KCNH7: variants seen among roughly 807,000 people sequenced by gnomAD.
KCNH7 encodes the protein potassium voltage-gated channel subfamily H member 7.
Under a neutral mutation model 120.8 loss-of-function variants are expected in KCNH7, and 49 were observed. The ratio of observed to expected loss-of-function variants is 0.41; its 90% CI spans 0.32 to 0.51. KCNH7 has a LOEUF of 0.51. Ranked by LOEUF, KCNH7 falls within the 20% of genes least tolerant of loss-of-function variation. The pLI is 0.38. For missense variants in KCNH7, 1,097 were observed against 1,446.6 expected (o/e 0.76, Z 3.92); for synonymous variants, 547 against 516.1 (o/e 1.06, Z -0.81).
chr2:162,701,998 C>G (rs574548177), intron 2 of KCNH7, among the ~76,000 whole-genome samples: 2 of 139,114 alleles, frequency 1.4e-5, no homozygotes, highest in Non-Finnish European at 3.0e-5. Context: ...CAGAGTGAGA[C>G]GCCATCTCAA....
chr2:162,824,311 C>G (rs576110428), intron 2 of KCNH7, among the ~76,000 whole-genome samples: 125 of 152,198 alleles, frequency 8.2e-4, no homozygotes, highest in African/African-American at 3.0e-3. Flanking sequence ...GGAAACATGA[C>G]CTGCAAAGAA....
intron 14 of KCNH7, among the ~76,000 whole-genome samples, chr2:162,373,986 CTT>C (rs1375833424): frequency 3.3e-5 from 5 of 152,022 alleles, no homozygotes; most frequent in African/African-American, 1.2e-4. Flanking sequence ...CAGTAATTGT[CTT>C]TGCTTTTTAA....
rs531155217 is a variant in KCNH7 at position 162,561,193 on chromosome 2, T to G, written c.308-24113A>C. ...CAAGATCATAATTATGTATCTAATT[T>G]ATATTGAACATTCATGATGCATATG... On this transcript the variant is annotated intron_variant, in intron 2 of 15. Transcript: ENST00000332142. Among the ~76,000 whole-genome samples, 52 of 152,312 alleles carry G rather than the reference T, an allele frequency of 3.4e-4. No homozygotes were observed. In the South Asian group the frequency reaches 4.8e-3, roughly 14 times the overall value.
intron 2 of KCNH7, among the ~76,000 whole-genome samples, chr2:162,834,960 A>G (rs1685605756): frequency 2.0e-5 from 3 of 152,144 alleles, no homozygotes; most frequent in Non-Finnish European, 4.4e-5. Flanking sequence ...CTGTGTTGGC[A>G]TCATAATAAA....
chr2:162,744,859 C>T (rs1219332595), intron 2 of KCNH7, among the ~76,000 whole-genome samples: 2 of 152,178 alleles, frequency 1.3e-5, no homozygotes, highest in East Asian at 3.9e-4. Flanking sequence ...AGGCGTGAGC[C>T]ACCGCGCCCG....
At chr2:162,604,540 C>T (rs953707014) in intron 2 of KCNH7, among the ~76,000 whole-genome samples, 12 of 151,956 alleles carry the variant, frequency 7.9e-5, no homozygotes, top group South Asian at 2.1e-4. Context: ...TCAGATTTCC[C>T]ATTCCACATA....
chr2:162,804,479 A>G (rs906602614), intron 2 of KCNH7, among the ~76,000 whole-genome samples: 1 of 151,868 alleles, frequency 6.6e-6, no homozygotes, highest in Admixed American at 6.6e-5. Flanking sequence ...CTTTTACGAT[A>G]GCTGCAACAA....
intron 2 of KCNH7, among the ~76,000 whole-genome samples, chr2:162,627,236 C>G (rs1282587367): frequency 1.3e-5 from 2 of 152,096 alleles, no homozygotes; most frequent in African/African-American, 4.8e-5. Context: ...ATAGCAGCAG[C>G]TATTGGAGAA....
chr2:162,624,415 G>C (rs1242210963), intron 2 of KCNH7, among the ~76,000 whole-genome samples: 2 of 152,094 alleles, frequency 1.3e-5, no homozygotes, highest in African/African-American at 4.8e-5. Context: ...CATGGATTAG[G>C]AGGAAGGGCT....
At chr2:162,585,607 AAT>A (rs1242947620) in intron 2 of KCNH7, among the ~76,000 whole-genome samples, 5 of 152,058 alleles carry the variant, frequency 3.3e-5, no homozygotes, top group Non-Finnish European at 5.9e-5. Context: ...GCATTTCTAA[AAT>A]ATCTTATATA....
At chr2:162,430,044 T>C (rs561566113) in intron 8 of KCNH7, among the ~76,000 whole-genome samples, 2 of 152,066 alleles carry the variant, frequency 1.3e-5, no homozygotes, top group Admixed American at 6.6e-5. Context: ...TGTAACTTTT[T>C]TTTTGTCTTA....
At chr2:162,491,277 C>T (rs1690295357) in intron 6 of KCNH7, among the ~76,000 whole-genome samples, 1 of 152,238 alleles carries the variant, frequency 6.6e-6, no homozygotes, top group African/African-American at 2.4e-5. Flanking sequence ...CCACCCTGCA[C>T]TTAAACTGTT....
intron 6 of KCNH7, among the ~76,000 whole-genome samples, chr2:162,479,556 G>A (rs78667575): frequency 7.2e-5 from 11 of 151,960 alleles, no homozygotes. Flanking sequence ...TTATAGATTA[G>A]AAATGAAATT....
intron 6 of KCNH7, among the ~76,000 whole-genome samples, chr2:162,472,843 T>A (rs1411275095): frequency 1.3e-5 from 2 of 152,222 alleles, no homozygotes; most frequent in East Asian, 3.8e-4. Flanking sequence ...CCGACCCAAA[T>A]GTCCATCAGT....
chr2:162,654,938 T>C (rs1268914331), intron 2 of KCNH7, among the ~76,000 whole-genome samples: 2 of 152,114 alleles, frequency 1.3e-5, no homozygotes, highest in African/African-American at 2.4e-5. Context: ...GCTGAACTCA[T>C]AGAAGCAGAG....
In KCNH7 at chr2:162,394,415, A is replaced by G; in HGVS notation, c.2684T>C (p.Leu895Ser). 6.3e-7 allele frequency: 1 copy of G among 1,598,922 alleles called. No homozygotes were observed. The highest frequency in any genetic ancestry group is 8.6e-7 in the Non-Finnish European group (1 of 1,167,020). Reference protein sequence around the residue: ...GDNCKLRRRKLSFESEGEKEN... With the variant: ...GDNCKLRRRKSSFESEGEKEN... The stretch of plus-strand genomic sequence containing the variant: ...TTTCTCTCCTTCACTTTCAAATGAC[A>G]ATTTCCTTCTTCTTAGTTTACAGTT... Residue 895 changes from leucine (L) to serine (S), a missense_variant, in exon 12 of 16, where the codon TTG becomes TCG. By Grantham distance (145) the Leu-to-Ser change is moderately radical (BLOSUM62 -2). Around this residue, in one of 8 missense-constraint regions of KCNH7, gnomAD observed 406 missense variants for 410.5 expected, o/e 0.99. Coordinates refer to ENST00000332142, the MANE Select transcript of KCNH7 (RefSeq NM_033272.4).
chr2:162,381,742 T>C (rs1488668992), intron 13 of KCNH7, among the ~76,000 whole-genome samples: 3 of 152,178 alleles, frequency 2.0e-5, no homozygotes, highest in African/African-American at 7.2e-5. Flanking sequence ...TTTCTTTTAA[T>C]ATTTTATGAA....
In KCNH7 at chr2:162,435,123, C is replaced by T; in HGVS notation, c.1954+75G>A. ...TTCTGTAATCTTTTTCTTTGCCTTA[C>T]TCTAAATATTGTAGAAATATTAATT... is the stretch of plus-strand genomic sequence containing the variant. On this transcript the variant is annotated intron_variant, in intron 8 of 15. Transcript: ENST00000332142. 10 of 1,351,232 alleles carry T rather than the reference C, an allele frequency of 7.4e-6. No homozygotes were observed. The South Asian group carries it at 1.3e-4, about 17-fold the overall frequency. The allele number at this position is 1,351,232 out of a possible 1,614,324, so 83.7% of individuals were successfully genotyped here.
rs186463522 is a variant in KCNH7, at chr2:162,493,775, C to T, written c.1128+10668G>A. Among the ~76,000 whole-genome samples the T allele has an allele frequency of 2.0e-4, 31 of 152,136 alleles. No homozygotes were observed. In the East Asian group the frequency reaches 2.1e-3, roughly 10 times the overall value. ...CAAGCTGTGTAAGGAAAGTAAAATG[C>T]GTTTTTAGTAAAAGGTTATAAGAAG... is the stretch of plus-strand genomic sequence containing the variant. On this transcript the variant is annotated intron_variant, in intron 6 of 15. Coordinates refer to ENST00000332142, the MANE Select transcript of KCNH7 (RefSeq NM_033272.4).
Sources: gnomAD v4.1 joint callset for allele counts (sites outside exome capture counted in the v4.1 genomes callset) on GRCh38, gnomAD v4.1.1 for gene constraint, gnomAD v4.1.1 regional missense constraint, MANE v1.5 for transcripts, NCBI Gene and HGNC (gene_info 2026-07-23, HGNC 2026-07-21) for gene names.